The following TARM1 variants were observed in gnomAD, a reference collection of about 807,000 sequenced individuals.
The protein encoded by TARM1 is T cell-interacting, activating receptor on myeloid cells 1.
TARM1 carries 24 observed loss-of-function variants against 30.4 expected under a neutral mutation model. That is an observed-to-expected ratio of 0.79 (90% confidence interval 0.57 to 1.11). TARM1 has a LOEUF of 1.11. Ranked by LOEUF, TARM1 falls within the 50% of genes least tolerant of loss-of-function variation. The pLI is 0.00. For synonymous variants in TARM1, 129 were observed against 138.9 expected (o/e 0.93, Z 0.50); for missense variants, 323 against 332.8 (o/e 0.97, Z 0.23).
intron 4 of TARM1, among the ~76,000 whole-genome samples, chr19:54,073,049 T>A (rs771837813): frequency 1.3e-5 from 2 of 152,040 alleles, no homozygotes; most frequent in African/African-American, 2.4e-5. Context: ...AGAAGGAATC[T>A]GGTGCTGGTA....
At chr19:54,073,518 G>A (rs2071865599) in intron 4 of TARM1, among the ~76,000 whole-genome samples, 2 of 150,724 alleles carry the variant, frequency 1.3e-5, no homozygotes, top group Non-Finnish European at 2.9e-5. Context: ...TTTTGAGACA[G>A]AGTCTCACTC....
intron 1 of TARM1, among the ~76,000 whole-genome samples, chr19:54,077,608 G>C (rs1443089479): frequency 3.3e-5 from 5 of 152,020 alleles, no homozygotes; most frequent in Non-Finnish European, 7.4e-5. Flanking sequence ...TCCATAAACT[G>C]ACACTTCAAG....
rs1452255687 is a variant in TARM1 at position 54,081,292 on chromosome 19, C to A, written c.34+15G>T. The A allele has an allele frequency of 2.6e-6, 4 of 1,548,024 alleles. No individual in the cohort carries two copies. The highest frequency in any genetic ancestry group is 1.7e-4 in the Middle Eastern group (1 of 6,008). On this transcript the variant is annotated intron_variant, in intron 1 of 4. Coordinates refer to ENST00000432826, the MANE Select transcript of TARM1 (RefSeq NM_001135686.3). ...GATTTTCTGCAGTCCCAGTGGATAG[C>A]CCTGTGAGACTTACTGAAACAGAGG...
chr19:54,080,147 GCAA>G lies in TARM1; in HGVS notation c.34+1157_34+1159del. Among the ~76,000 whole-genome samples the G allele has an allele frequency of 2.2e-5, 2 of 91,224 alleles. 1 individual carries two copies. The highest frequency in any genetic ancestry group is 7.9e-4 in the East Asian group (2 of 2,516). The allele number at this position is 91,224 out of a possible 152,430, so 59.8% of individuals were successfully genotyped here. A position where few individuals can be genotyped will look rare whatever the true frequency, so the allele number is the denominator to read the frequency against. ...AGGAAGGAAGGAAGGAAGAAAGCAA[GCAA>G]GCAAGCAAGCAAGCAAGCAAGCAAG... On this transcript the variant is annotated intron_variant, in intron 1 of 4. Coordinates refer to ENST00000432826, the MANE Select transcript of TARM1 (RefSeq NM_001135686.3).
Position 54,074,112 on chromosome 19 carries a change from T to C in TARM1, c.466A>G (p.Ile156Val), listed in dbSNP as rs1452162018. Reference protein sequence around the residue: ...CQKRDQLFVPIMFALLKAGTP... With the variant: ...CQKRDQLFVPVMFALLKAGTP... The stretch of plus-strand genomic sequence containing the variant: ...CCTGCCTTCAGTAGAGCGAACATGA[T>C]AGGCACAAACAATTGGTCTCGCTTC... The change falls in exon 4 of 5, where the codon ATC (isoleucine) becomes GTC (valine). Residue 156 changes from isoleucine (I) to valine (V), a missense_variant. Coordinates refer to ENST00000432826, the MANE Select transcript of TARM1 (RefSeq NM_001135686.3). 2 of 1,551,714 alleles carry C rather than the reference T, an allele frequency of 1.3e-6. No homozygotes were observed. The highest frequency in any genetic ancestry group is 1.7e-6 in the Non-Finnish European group (2 of 1,146,996).
chr19:54,070,229 A>C, intron 4 of TARM1, 69 bp from the exon 5 acceptor site: 1 of 1,498,212 alleles, frequency 6.7e-7, no homozygotes, highest in Non-Finnish European at 8.9e-7. Flanking sequence ...GCCCCACCAA[A>C]TCTGACTATC....
intron 4 of TARM1, among the ~76,000 whole-genome samples, chr19:54,072,621 G>A (rs907934599): frequency 6.6e-6 from 1 of 151,996 alleles, no homozygotes; most frequent in South Asian, 2.1e-4. Flanking sequence ...TGGGATTACA[G>A]GCCTGAGCCA....
At chr19:54,081,239 C>G in intron 1 of TARM1, 68 bp downstream of exon 1, 1 of 1,481,658 alleles carries the variant, frequency 6.7e-7, no homozygotes, top group Non-Finnish European at 9.2e-7. Flanking sequence ...TATTTCCATC[C>G]CCAGCCCAAC....
Position 54,073,911 on chromosome 19 carries a change from C to T in TARM1, c.658+9G>A, listed in dbSNP as rs943345574. On this transcript the variant is annotated intron_variant, in intron 4 of 4. Coordinates refer to ENST00000432826, the MANE Select transcript of TARM1 (RefSeq NM_001135686.3). ...ACACACAGTTCCTCAAAACCATACA[C>T]GCCCTTACCTGTCACCAATATCTCA... 1.9e-5 allele frequency: 30 copies of T among 1,550,332 alleles called. No homozygotes were observed. Among genetic ancestry groups the T allele is most frequent in the East Asian group, 4.9e-5 (2 of 40,896 alleles).
Position 54,074,111 on chromosome 19 carries a change from A to C in TARM1, c.467T>G (p.Ile156Ser). The C allele has an allele frequency of 6.4e-7, 1 of 1,551,710 alleles. No homozygotes were observed. Among genetic ancestry groups the C allele is most frequent in the Non-Finnish European group, 8.7e-7 (1 of 1,146,994 alleles). ...CCCTGCCTTCAGTAGAGCGAACATG[A>C]TAGGCACAAACAATTGGTCTCGCTT... ...CQKRDQLFVP[I>S]MFALLKAGTP... The change falls in exon 4 of 5, where the codon ATC becomes AGC. Residue 156 changes from isoleucine to serine, a missense_variant. Physicochemically the swap from Ile to Ser is moderately radical, Grantham distance 142. Transcript: ENST00000432826.
At chr19:54,075,810 G>GGGGGAA (rs1184462728) in intron 2 of TARM1, 73 bp downstream of exon 2, 138 of 1,475,806 alleles carry the variant, frequency 9.4e-5, no homozygotes, top group Non-Finnish European at 1.1e-4. Flanking sequence ...GAGAAAAAGA[G>GGGGGAA]GGGGAAGGGG....
rs2071766237 is a variant in TARM1 at position 54,069,960 on chromosome 19, C to T, written c.*43G>A. On this transcript the variant is annotated 3_prime_UTR_variant, in exon 5 of 5. Coordinates refer to ENST00000432826, the MANE Select transcript of TARM1 (RefSeq NM_001135686.3). ...TCAACCCCCTGGGAATGCAGTCCAG[C>T]AGGTTGCAGCCTCAGTTTACCCAGC... 1 of 1,465,264 alleles carries T rather than the reference C, an allele frequency of 6.8e-7. No homozygotes were observed. The highest frequency in any genetic ancestry group is 2.5e-5 in the East Asian group (1 of 40,494). 90.8% of individuals were successfully genotyped at this position (1,465,264 alleles called of 1,614,324 possible). A position where few individuals can be genotyped will look rare whatever the true frequency, so the allele number is the denominator to read the frequency against.
At chr19:54,073,419 A>G (rs1168376631) in intron 4 of TARM1, among the ~76,000 whole-genome samples, 5 of 151,188 alleles carry the variant, frequency 3.3e-5, no homozygotes, top group African/African-American at 4.8e-5. Context: ...AAAAAAAAAA[A>G]AAAAAAAAAA....
chr19:54,079,193 G>A (rs2072034977), intron 1 of TARM1, among the ~76,000 whole-genome samples: 1 of 150,804 alleles, frequency 6.6e-6, no homozygotes, highest in African/African-American at 2.4e-5. Flanking sequence ...GAACCCAGGA[G>A]GCGGAGGTTG....
intron 1 of TARM1, 178 bp from the exon 2 acceptor site, chr19:54,076,096 T>C: frequency 6.8e-7 from 1 of 1,462,070 alleles, no homozygotes; most frequent in South Asian, 1.4e-5. Context: ...TTCCAGCTCC[T>C]CCATCCTTTC....
At chr19:54,072,687 A>C (rs8101295) in intron 4 of TARM1, among the ~76,000 whole-genome samples, 107,197 of 151,866 alleles carry the variant, frequency 0.71, 38,061 homozygotes, top group East Asian at 0.89. Flanking sequence ...CCAAGAAAAA[A>C]CAAAACACGC....
rs145288894 is a variant in TARM1, at chr19:54,074,167, G to A, written c.411C>T (p.Thr137=). The A allele has an allele frequency of 0.014, 21,538 of 1,551,608 alleles. 188 individuals carry two copies. The highest frequency in any genetic ancestry group is 0.016 in the South Asian group (1,338 of 84,060). Residue 137 remains threonine (T), a synonymous_variant, in exon 4 of 5, where the codon ACC becomes ACT. Coordinates refer to ENST00000432826, the MANE Select transcript of TARM1 (RefSeq NM_001135686.3). ...ACTGCAGAGTCACCCTTCCACCTGC[G>A]GTCACTGTACCCCTTTGGTAGGTTC... The part of the protein sequence containing the change: ...FLRTYQRGTV[T]AGGRVTLQCQ...
At chr19:54,081,004 GT>G (rs1233081390) in intron 1 of TARM1, among the ~76,000 whole-genome samples, 1 of 151,896 alleles carries the variant, frequency 6.6e-6, no homozygotes, top group East Asian at 1.9e-4. Flanking sequence ...ATAAAATAAG[GT>G]TTCTATTCTG....
rs1472099423 is a variant in TARM1, at chr19:54,074,122, C to T, written c.456G>A (p.Leu152=). The stretch of plus-strand genomic sequence containing the variant: ...GTAGAGCGAACATGATAGGCACAAA[C>T]AATTGGTCTCGCTTCTGGCACTGCA... ...VTLQCQKRDQ[L]FVPIMFALLK... is the part of the protein sequence containing the mutation. The change falls in exon 4 of 5, where the codon TTG becomes TTA. Residue 152 remains leucine (L), a synonymous_variant. Transcript: ENST00000432826. The T allele has an allele frequency of 1.3e-6, 2 of 1,551,604 alleles. No homozygotes were observed. The highest frequency in any genetic ancestry group is 1.7e-6 in the Non-Finnish European group (2 of 1,147,016).
Sources: allele counts gnomAD v4.1 joint callset (sites outside exome capture counted in the v4.1 genomes callset), GRCh38; gene constraint gnomAD v4.1.1; transcripts MANE v1.5; gene names NCBI Gene and HGNC (gene_info 2026-07-23, HGNC 2026-07-21).